Variants in MCHR2 observed in about 807,000 individuals in gnomAD.
The protein encoded by MCHR2 is melanin-concentrating hormone receptor 2.
A neutral mutation model predicts 24.8 loss-of-function variants in MCHR2; 15 were observed. The observed-to-expected ratio is 0.60, with a 90% CI of 0.40 to 0.93. The LOEUF (loss-of-function observed/expected upper bound fraction) is 0.93, where lower values mean the gene tolerates loss of function less well. Ranked by LOEUF, MCHR2 falls within the 40% of genes least tolerant of loss-of-function variation. MCHR2 has a pLI of 0.00. For missense variants in MCHR2, 386 were observed against 408.7 expected, an observed-to-expected ratio of 0.94 and a Z score of 0.48; for synonymous variants, 151 against 147.6, an observed-to-expected ratio of 1.02 and a Z score of -0.17.
intron 4 of MCHR2, 98 bp downstream of exon 4, chr6:99,942,851 C>T (rs991099912): frequency 2.1e-6 from 2 of 953,744 alleles, no homozygotes; most frequent in African/African-American, 1.6e-5. Flanking sequence ...GAAGAGGATC[C>T]ATAAGGATAC....
At chr6:99,980,955 A>C (rs1273442883) in intron 1 of MCHR2, among the ~76,000 whole-genome samples, 4 of 152,224 alleles carry the variant, frequency 2.6e-5, no homozygotes, top group Admixed American at 6.5e-5. Context: ...AAAAGTTATT[A>C]CATATTTGAG....
chr6:99,934,888 C>T (rs998676092), intron 4 of MCHR2, among the ~76,000 whole-genome samples: 5 of 151,962 alleles, frequency 3.3e-5, no homozygotes, highest in African/African-American at 1.2e-4. Context: ...ATCTGTGAAA[C>T]CCCATGAGTA....
chr6:99,980,210 G>C (rs1405943437), intron 1 of MCHR2, among the ~76,000 whole-genome samples: 1 of 152,130 alleles, frequency 6.6e-6, no homozygotes, highest in Non-Finnish European at 1.5e-5. Context: ...CTAGTTCTCA[G>C]GTACACATAT....
intron 1 of MCHR2, among the ~76,000 whole-genome samples, chr6:99,965,416 T>C (rs981472197): frequency 5.3e-5 from 8 of 152,204 alleles, no homozygotes; most frequent in Non-Finnish European, 7.4e-5. Flanking sequence ...GCAACACAGA[T>C]AAATATGACT....
At chr6:99,925,912 C>A (rs1774345035) in intron 5 of MCHR2, among the ~76,000 whole-genome samples, 1 of 150,956 alleles carries the variant, frequency 6.6e-6, no homozygotes, top group South Asian at 2.1e-4. Context: ...TATACATGTG[C>A]CATGCTGGTG....
At chr6:99,959,324 G>T (rs2114547240) in intron 1 of MCHR2, among the ~76,000 whole-genome samples, 1 of 152,060 alleles carries the variant, frequency 6.6e-6, no homozygotes, top group Admixed American at 6.5e-5. Context: ...GAGGAGTCAT[G>T]TCCACAGAAA....
chr6:99,929,954 C>T (rs901731556), intron 5 of MCHR2, among the ~76,000 whole-genome samples: 1 of 150,418 alleles, frequency 6.6e-6, no homozygotes, highest in Non-Finnish European at 1.5e-5. Flanking sequence ...TACAATTTTG[C>T]ATGATTTTGC....
At chr6:99,940,146 T>G (rs1223731908) in intron 4 of MCHR2, among the ~76,000 whole-genome samples, 1 of 152,020 alleles carries the variant, frequency 6.6e-6, no homozygotes, top group South Asian at 2.1e-4. Context: ...TTGGGGAAAT[T>G]TTCTGTTATT....
chr6:99,949,808 ACTGTC>A (rs532788268), intron 2 of MCHR2, among the ~76,000 whole-genome samples: 182 of 152,146 alleles, frequency 1.2e-3, no homozygotes, highest in African/African-American at 4.2e-3. Flanking sequence ...CAGCCAGCTG[ACTGTC>A]CTTGGTCTCT....
chr6:99,965,203 CA>C (rs1775273264), intron 1 of MCHR2, among the ~76,000 whole-genome samples: 1 of 152,134 alleles, frequency 6.6e-6, no homozygotes, highest in Admixed American at 6.5e-5. Context: ...CATATGGTTT[CA>C]AGGCAATAAT....
chr6:99,970,701 C>T (rs1775393111), intron 1 of MCHR2, among the ~76,000 whole-genome samples: 1 of 152,152 alleles, frequency 6.6e-6, no homozygotes, highest in South Asian at 2.1e-4. Context: ...TTAGGTCTAA[C>T]ATGTAAGTCT....
At chr6:99,937,288 T>A (rs1386439347) in intron 4 of MCHR2, among the ~76,000 whole-genome samples, 1 of 152,022 alleles carries the variant, frequency 6.6e-6, no homozygotes, top group Non-Finnish European at 1.5e-5. Context: ...TTGTTGCAGA[T>A]CTTAGAGAAA....
intron 4 of MCHR2, among the ~76,000 whole-genome samples, chr6:99,939,698 G>A (rs572181103): frequency 6.6e-6 from 1 of 150,932 alleles, no homozygotes; most frequent in Admixed American, 6.6e-5. Flanking sequence ...TTTTCTTTTT[G>A]CACATTAGTG....
At chr6:99,966,886 A>G (rs963812875) in intron 1 of MCHR2, among the ~76,000 whole-genome samples, 1 of 152,140 alleles carries the variant, frequency 6.6e-6, no homozygotes, top group African/African-American at 2.4e-5. Flanking sequence ...CCCTAATTTT[A>G]TAATGAAAGC....
intron 1 of MCHR2, among the ~76,000 whole-genome samples, chr6:99,973,556 C>T (rs1014134336): frequency 2.6e-5 from 4 of 152,146 alleles, no homozygotes; most frequent in African/African-American, 9.7e-5. Context: ...GGATTTAGCC[C>T]ATTTACATTT....
At chr6:99,955,868 A>G in intron 2 of MCHR2, 98 bp downstream of exon 2, 1 of 1,004,108 alleles carries the variant, frequency 1.0e-6, no homozygotes, top group East Asian at 2.9e-5. Context: ...GCATTTCATT[A>G]AGCAAAATGC....
intron 1 of MCHR2, among the ~76,000 whole-genome samples, chr6:99,976,948 C>T (rs1775563332): frequency 6.6e-6 from 1 of 152,222 alleles, no homozygotes; most frequent in Non-Finnish European, 1.5e-5. Context: ...TCCATAGCAT[C>T]AAAAGCAACC....
In MCHR2 at chr6:99,921,197, G is replaced by T. The variant is rs1157672609; in HGVS notation, c.766C>A (p.Leu256Met). 1.2e-6 allele frequency: 2 copies of T among 1,613,978 alleles called. No individual in the cohort carries two copies. The highest frequency in any genetic ancestry group is 1.7e-5 in the Admixed American group (1 of 59,988). Residue 256 changes from leucine to methionine, a missense_variant, in exon 6 of 6, where the codon CTG becomes ATG. By Grantham distance (15) the Leu-to-Met change is conservative. Coordinates refer to ENST00000281806, the MANE Select transcript of MCHR2 (RefSeq NM_001040179.2). ...VMKLTKMVLV[L>M]VVVFILSAAP... ...GCACTCAGGATAAAGACTACCACCA[G>T]CACCAGCACCATCTTTGTCAACTTC...
At chr6:99,956,211 T>TAAATTGAGGGATTATTTAG in intron 1 of MCHR2, 37 bp from the exon 2 acceptor site, 1 of 1,351,480 alleles carries the variant, frequency 7.4e-7, no homozygotes, top group Non-Finnish European at 1.0e-6. Flanking sequence ...TTAGTGAACA[T>TAAATTGAGGGATTATTTAG]TCCCTCAATA....
Sources: allele counts gnomAD v4.1 joint callset (sites outside exome capture counted in the v4.1 genomes callset), GRCh38; gene constraint gnomAD v4.1.1; transcripts MANE v1.5; gene names NCBI Gene and HGNC (gene_info 2026-07-23, HGNC 2026-07-21).